Variants in FMNL2 observed in about 807,000 individuals in gnomAD.
FMNL2 encodes the protein formin like 2.
Under a neutral mutation model 130.2 loss-of-function variants are expected in FMNL2, and 51 were observed. That is an observed-to-expected ratio of 0.39 (90% CI 0.31 to 0.49). The LOEUF (loss-of-function observed/expected upper bound fraction) is 0.49, where lower values mean the gene tolerates loss of function less well. FMNL2 is among the 20% of genes least tolerant of loss of function. FMNL2 has a pLI of 0.85. For synonymous variants in FMNL2, 465 were observed against 467.1 expected (o/e 1.00, Z 0.06); for missense variants, 977 against 1,316.2 (o/e 0.74, Z 3.99).
intron 2 of FMNL2, among the ~76,000 whole-genome samples, chr2:152,540,405 G>C (rs1178186702): frequency 6.6e-6 from 1 of 152,060 alleles, no homozygotes; most frequent in Admixed American, 6.6e-5. Context: ...CTTAGAAATT[G>C]CTCTCGAGAT....
intron 4 of FMNL2, among the ~76,000 whole-genome samples, chr2:152,556,746 C>T (rs1435544299): frequency 1.3e-5 from 2 of 152,130 alleles, no homozygotes; most frequent in East Asian, 1.9e-4. Flanking sequence ...GAATGGTCTG[C>T]ACTCTACAGA....
chr2:152,380,174 C>T (rs949445207), intron 1 of FMNL2, among the ~76,000 whole-genome samples: 1 of 152,102 alleles, frequency 6.6e-6, no homozygotes, highest in African/African-American at 2.4e-5. Flanking sequence ...GTTAGTTCAT[C>T]TTTGTATCTC....
chr2:152,530,605 A>G (rs1029110480), intron 2 of FMNL2, among the ~76,000 whole-genome samples: 8 of 152,208 alleles, frequency 5.3e-5, no homozygotes, highest in Non-Finnish European at 7.4e-5. Context: ...TATTATGCTG[A>G]ATGTTTCAAA....
At chr2:152,525,709 G>A (rs1221871629) in intron 2 of FMNL2, among the ~76,000 whole-genome samples, 1 of 152,178 alleles carries the variant, frequency 6.6e-6, no homozygotes, top group Non-Finnish European at 1.5e-5. Context: ...AGCTTCCTGT[G>A]CGAAGCGTTT....
chr2:152,352,009 A>T (rs183809494), intron 1 of FMNL2, among the ~76,000 whole-genome samples: 8 of 152,364 alleles, frequency 5.3e-5, no homozygotes, highest in African/African-American at 1.9e-4. Context: ...ACCTTTAAGC[A>T]TGATTAAAAG....
At position 152,617,206 on chromosome 2, in the gene FMNL2, T is replaced by C. The variant is rs1488439708; in HGVS notation, c.1314+14T>C. The C allele has an allele frequency of 8.7e-6, 14 of 1,612,746 alleles. No homozygotes were observed. Among genetic ancestry groups the C allele is most frequent in the Non-Finnish European group, 1.2e-5 (14 of 1,178,942 alleles). ...GATGTCGTTCGGGTAAGTGTAATGATGACAACTGCCCAGATGGGCACGGTA... is the reference window on the plus strand; with the variant it reads ...GATGTCGTTCGGGTAAGTGTAATGACGACAACTGCCCAGATGGGCACGGTA... On this transcript the variant is annotated intron_variant, in intron 13 of 25. Coordinates refer to ENST00000288670, the MANE Select transcript of FMNL2 (RefSeq NM_052905.4).
chr2:152,436,037 T>C, intron 1 of FMNL2, among the ~76,000 whole-genome samples: 1 of 125,104 alleles, frequency 8.0e-6, no homozygotes, highest in East Asian at 2.3e-4. Flanking sequence ...CTAAAAGACG[T>C]GCTTAGTTTT....
At chr2:152,580,360 A>G (rs1421359752) in intron 8 of FMNL2, among the ~76,000 whole-genome samples, 1 of 152,234 alleles carries the variant, frequency 6.6e-6, no homozygotes, top group Non-Finnish European at 1.5e-5. Flanking sequence ...TCTTGAGTCA[A>G]AGAAAATATT....
At chr2:152,446,130 A>G (rs1025894295) in intron 1 of FMNL2, among the ~76,000 whole-genome samples, 4 of 152,196 alleles carry the variant, frequency 2.6e-5, no homozygotes, top group African/African-American at 7.2e-5. Context: ...ATCTTTGCCA[A>G]GCTCATACTT....
At chr2:152,558,177 A>G (rs541177864) in intron 4 of FMNL2, among the ~76,000 whole-genome samples, 1 of 152,286 alleles carries the variant, frequency 6.6e-6, no homozygotes, top group African/African-American at 2.4e-5. Context: ...CAGCTTTTTA[A>G]AAAGGTTTTA....
At chr2:152,408,591 C>G (rs2105990303) in intron 1 of FMNL2, among the ~76,000 whole-genome samples, 1 of 151,298 alleles carries the variant, frequency 6.6e-6, no homozygotes, top group South Asian at 2.1e-4. Context: ...TTTTTTTTTG[C>G]CCTGATAAAC....
chr2:152,422,510 G>A (rs549491027), intron 1 of FMNL2, among the ~76,000 whole-genome samples: 8 of 152,144 alleles, frequency 5.3e-5, no homozygotes, highest in South Asian at 2.1e-4. Context: ...AGTATAGACC[G>A]AAATGATTTT....
At chr2:152,339,511 C>G (rs1681677655) in intron 1 of FMNL2, among the ~76,000 whole-genome samples, 1 of 152,174 alleles carries the variant, frequency 6.6e-6, no homozygotes, top group Non-Finnish European at 1.5e-5. Flanking sequence ...CCCTTGGATG[C>G]CTTTGTTGAA....
chr2:152,400,872 G>A (rs1209330206), intron 1 of FMNL2, among the ~76,000 whole-genome samples: 1 of 152,208 alleles, frequency 6.6e-6, no homozygotes, highest in Non-Finnish European at 1.5e-5. Flanking sequence ...TGCTTTAGGG[G>A]TAATGATTTT....
chr2:152,539,749 G>A (rs1197870569), intron 2 of FMNL2, among the ~76,000 whole-genome samples: 1 of 152,148 alleles, frequency 6.6e-6, no homozygotes, highest in African/African-American at 2.4e-5. Context: ...AGCCTTCTGA[G>A]TCGCCACAGT....
At chr2:152,547,279 T>C (rs1327427259) in intron 3 of FMNL2, among the ~76,000 whole-genome samples, 2 of 152,158 alleles carry the variant, frequency 1.3e-5, no homozygotes, top group Non-Finnish European at 2.9e-5. Context: ...GTGCCGAGCC[T>C]CCTCATTGCT....
At chr2:152,608,570 G>A (rs1051450764) in intron 10 of FMNL2, among the ~76,000 whole-genome samples, 4 of 148,784 alleles carry the variant, frequency 2.7e-5, no homozygotes, top group African/African-American at 9.8e-5. Flanking sequence ...ATATATATGT[G>A]TCTATATACT....
chr2:152,616,789 T>C (rs1206273511), intron 12 of FMNL2, among the ~76,000 whole-genome samples: 1 of 152,156 alleles, frequency 6.6e-6, no homozygotes, highest in Non-Finnish European at 1.5e-5. Flanking sequence ...CCCTCCTCTT[T>C]CTCCTTACTT....
chr2:152,537,079 A>G (rs1694031106), intron 2 of FMNL2, among the ~76,000 whole-genome samples: 1 of 152,212 alleles, frequency 6.6e-6, no homozygotes, highest in South Asian at 2.1e-4. Context: ...GAGGACATGT[A>G]GGGAGAGGAC....
Sources: gnomAD v4.1 joint callset for allele counts (sites outside exome capture counted in the v4.1 genomes callset) on GRCh38, gnomAD v4.1.1 for gene constraint, MANE v1.5 for transcripts, NCBI Gene and HGNC (gene_info 2026-07-23, HGNC 2026-07-21) for gene names.